NUP214: variants seen among roughly 807,000 people sequenced by gnomAD.
NUP214 encodes the protein nucleoporin 214.
A neutral mutation model predicts 196.2 loss-of-function variants in NUP214; 79 were observed. That is an observed-to-expected ratio of 0.40 (90% CI 0.34 to 0.49). NUP214 has a LOEUF of 0.49. Ranked by LOEUF, NUP214 falls within the 20% of genes least tolerant of loss-of-function variation. The pLI is 0.58. For synonymous variants in NUP214, 1,020 were observed against 990.5 expected (o/e 1.03, Z -0.56); for missense variants, 2,468 against 2,539.0 (o/e 0.97, Z 0.60).
chr9:131,206,540 G>A (rs1039254900), intron 30 of NUP214, among the ~76,000 whole-genome samples: 2 of 151,940 alleles, frequency 1.3e-5, no homozygotes, highest in African/African-American at 2.4e-5. Flanking sequence ...GATCTCCTGG[G>A]CTCAAGCAGT....
intron 30 of NUP214, among the ~76,000 whole-genome samples, chr9:131,206,634 G>A (rs1047869928): frequency 6.6e-6 from 1 of 151,864 alleles, no homozygotes; most frequent in African/African-American, 2.4e-5. Flanking sequence ...GTAGAGATGG[G>A]GTCTCACCGT....
At chr9:131,151,600 T>G (rs1346037423) in intron 16 of NUP214, 136 bp from the exon 17 acceptor site, 12 of 598,414 alleles carry the variant, frequency 2.0e-5, no homozygotes, top group Non-Finnish European at 3.4e-5. Flanking sequence ...TTAAATTCTT[T>G]TTTTACCTGA....
At chr9:131,127,801 T>A in intron 2 of NUP214, 82 bp downstream of exon 2, 1 of 1,042,340 alleles carries the variant, frequency 9.6e-7, no homozygotes, top group Non-Finnish European at 1.4e-6. Flanking sequence ...GAAGTCATTC[T>A]AATACTAAAA....
At chr9:131,148,315 G>A (rs556998244) in intron 14 of NUP214, among the ~76,000 whole-genome samples, 34 of 152,290 alleles carry the variant, frequency 2.2e-4, no homozygotes, top group African/African-American at 7.7e-4. Context: ...TATCCATGTC[G>A]TTGTATGGAA....
chr9:131,213,218 C>T (rs895099849), intron 30 of NUP214, among the ~76,000 whole-genome samples: 1 of 151,216 alleles, frequency 6.6e-6, no homozygotes, highest in African/African-American at 2.4e-5. Context: ...TCTTGTTGCC[C>T]AGACTGAAGT....
intron 19 of NUP214, chr9:131,163,453 G>A: frequency 2.3e-6 from 1 of 440,540 alleles, no homozygotes; most frequent in Non-Finnish European, 4.0e-6. Context: ...ATACACCATA[G>A]TAACAGTGTC....
chr9:131,180,456 G>A (rs1418283493), intron 24 of NUP214, among the ~76,000 whole-genome samples: 4 of 152,094 alleles, frequency 2.6e-5, no homozygotes, highest in Admixed American at 6.6e-5. Context: ...GCCAGCTCTC[G>A]TGGAACAGAT....
At chr9:131,167,830 G>C (rs1409943535) in intron 21 of NUP214, among the ~76,000 whole-genome samples, 3 of 152,184 alleles carry the variant, frequency 2.0e-5, no homozygotes, top group African/African-American at 7.2e-5. Flanking sequence ...GTGAGTTGCA[G>C]ATACTCACTT....
intron 30 of NUP214, among the ~76,000 whole-genome samples, chr9:131,205,052 C>T (rs1834040465): frequency 6.6e-6 from 1 of 152,026 alleles, no homozygotes; most frequent in Non-Finnish European, 1.5e-5. Context: ...TTCAGATAAG[C>T]AAATACTGAA....
At chr9:131,159,891 A>G (rs1457699240) in intron 18 of NUP214, among the ~76,000 whole-genome samples, 1 of 151,896 alleles carries the variant, frequency 6.6e-6, no homozygotes, top group African/African-American at 2.4e-5. Context: ...GAAAATCTCT[A>G]CAAAACGTTC....
chr9:131,150,619 G>A lies in NUP214; in HGVS notation c.2131G>A (p.Ala711Thr), dbSNP rs770772697. 2 of 1,611,354 alleles carry A rather than the reference G, an allele frequency of 1.2e-6. No individual in the cohort carries two copies. The highest frequency in any genetic ancestry group is 2.7e-5 in the African/African-American group (2 of 74,714). Reference protein sequence around the residue: ...PVMAGIGEEIAHFQKELEELK... With the variant: ...PVMAGIGEEITHFQKELEELK... ...TCCTCACTTGTGGCTTCTACAGATT[G>A]CACACTTTCAGAAGGAGTTGGAAGA... Residue 711 changes from alanine to threonine, a missense_variant, in exon 16 of 36, where the codon GCA becomes ACA. Around this residue, in one of 5 missense-constraint regions of NUP214, gnomAD observed 1,801 missense variants for 1,779.4 expected, o/e 1.01. Coordinates refer to ENST00000359428, the MANE Select transcript of NUP214 (RefSeq NM_005085.4).
At chr9:131,230,913 C>G (rs900854425) in intron 34 of NUP214, 144 bp downstream of exon 34, 16 of 963,218 alleles carry the variant, frequency 1.7e-5, no homozygotes, top group Non-Finnish European at 2.3e-5. Flanking sequence ...GTAATCCCAG[C>G]ACTTTGGGAG....
intron 18 of NUP214, 63 bp downstream of exon 18, chr9:131,159,549 G>GTT (rs1832564657): frequency 7.4e-7 from 1 of 1,348,988 alleles, no homozygotes; most frequent in South Asian, 1.2e-5. Context: ...TTTTAAAAAG[G>GTT]TTATTTAGGA....
chr9:131,133,168 AC>A lies in NUP214; in HGVS notation c.793del (p.Leu265TrpfsTer8). The A allele has an allele frequency of 6.3e-7, 1 of 1,598,386 alleles. No homozygotes were observed. The highest frequency in any genetic ancestry group is 8.5e-7 in the Non-Finnish European group (1 of 1,175,020). ...CATAGTGTATGCTGCTGCAGATGGG[AC>A]CCTGGAAACGTCTCCAGATGTGGTG... ...FAIVYAAADGTLETSPDVVMA... is the reference protein window; with the variant it reads ...FAIVYAAADGXLETSPDVVMA... On this transcript the variant is annotated frameshift_variant, in exon 7 of 36. Transcript: ENST00000359428. LOFTEE classifies it high-confidence loss of function.
chr9:131,210,141 C>G (rs1834196815), intron 30 of NUP214, among the ~76,000 whole-genome samples: 1 of 152,174 alleles, frequency 6.6e-6, no homozygotes, highest in South Asian at 2.1e-4. Context: ...TTCCATAATA[C>G]AAACATACAG....
chr9:131,125,777 C>G lies in NUP214; in HGVS notation c.45+28C>G. 6.5e-7 allele frequency: 1 copy of G among 1,550,342 alleles called. No individual in the cohort carries two copies. The highest frequency in any genetic ancestry group is 8.7e-7 in the Non-Finnish European group (1 of 1,146,270). On this transcript the variant is annotated intron_variant, in intron 1 of 35. Coordinates refer to ENST00000359428, the MANE Select transcript of NUP214 (RefSeq NM_005085.4). The surrounding 1 kb of genome is among the most constrained non-coding windows in gnomAD (Gnocchi z 4.1). ...CAGAGACTAACCGGGGCCTCCCTCCCTTCTTTAGTCCTGGCGTTGCCTTGG... is the reference window on the plus strand; with the variant it reads ...CAGAGACTAACCGGGGCCTCCCTCCGTTCTTTAGTCCTGGCGTTGCCTTGG...
chr9:131,146,078 A>G lies in NUP214; in HGVS notation c.1770-51A>G. The stretch of plus-strand genomic sequence containing the variant: ...TGATGACATTGCTCATGCTAGTGTA[A>G]AAGAATCTTCTAGCAGGCTCTTCTG... On this transcript the variant is annotated intron_variant, in intron 12 of 35. Coordinates refer to ENST00000359428, the MANE Select transcript of NUP214 (RefSeq NM_005085.4). The surrounding 1 kb of genome is among the most constrained non-coding windows in gnomAD (Gnocchi z 4.6). 2 of 1,541,106 alleles carry G rather than the reference A, an allele frequency of 1.3e-6. No individual in the cohort carries two copies. The highest frequency in any genetic ancestry group is 9.0e-7 in the Non-Finnish European group (1 of 1,116,254).
Position 131,140,717 on chromosome 9 carries a change from G to T in NUP214, c.1294+7G>T. 6.2e-7 allele frequency: 1 copy of T among 1,609,012 alleles called. No homozygotes were observed. The highest frequency in any genetic ancestry group is 1.1e-5 in the South Asian group (1 of 90,152). ...CGACAGCCCAAGTCACCAGGTATGT[G>T]CCTCTGCCTGCTTTATCAGTAAGGG... On this transcript the variant is annotated splice_region_variant and intron_variant, in intron 11 of 35. Transcript: ENST00000359428.
intron 22 of NUP214, 39 bp from the exon 23 acceptor site, chr9:131,175,421 C>T (rs1243153377): frequency 6.2e-7 from 1 of 1,609,348 alleles, no homozygotes; most frequent in South Asian, 1.1e-5. Context: ...TTTTCCTGTT[C>T]TCTCACCCAC....
Sources: gnomAD v4.1 joint callset for allele counts (sites outside exome capture counted in the v4.1 genomes callset) on GRCh38, gnomAD v4.1.1 for gene constraint, gnomAD v4.1.1 regional missense constraint, Gnocchi (gnomAD v3.1) non-coding constraint, MANE v1.5 for transcripts, NCBI Gene and HGNC (gene_info 2026-07-23, HGNC 2026-07-21) for gene names.